AMPH: variants seen among roughly 807,000 people sequenced by gnomAD.
AMPH encodes amphiphysin, also known as amphiphysin (Stiff-Mann syndrome with breast cancer 128kD autoantigen).
In AMPH, 49 loss-of-function variants were observed where a neutral mutation model predicts 99.1. That is an observed-to-expected ratio of 0.49 (90% CI 0.39 to 0.63). The LOEUF (loss-of-function observed/expected upper bound fraction) is 0.63. Ranked by LOEUF, AMPH falls within the 20% of genes least tolerant of loss-of-function variation. AMPH has a pLI of 0.00. For missense variants in AMPH, 759 were observed against 863.4 expected (o/e 0.88, Z 1.52); for synonymous variants, 314 against 317.3 (o/e 0.99, Z 0.11).
rs1785605955 is a variant in AMPH, at chr7:38,422,292, T to C, written c.1272+129A>G. 9.5e-6 allele frequency: 7 copies of C among 738,626 alleles called. No individual in the cohort carries two copies. In the South Asian group the frequency reaches 1.3e-4, roughly 14 times the overall value. 45.8% of individuals were successfully genotyped at this position (738,626 alleles called of 1,614,324 possible). On this transcript the variant is annotated intron_variant, in intron 16 of 20. Transcript: ENST00000356264. The stretch of plus-strand genomic sequence containing the variant: ...TTTACAGACACATTCTCTCCTGTTT[T>C]CTAGAAAAGTACAGGATCCAGAAAC...
At chr7:38,457,800 A>G (rs1267379252) in intron 11 of AMPH, among the ~76,000 whole-genome samples, 2 of 152,230 alleles carry the variant, frequency 1.3e-5, no homozygotes, top group Admixed American at 1.3e-4. Flanking sequence ...GAATCCTAAG[A>G]ACAGCAAGAG....
intron 17 of AMPH, among the ~76,000 whole-genome samples, chr7:38,406,537 T>C: frequency 6.6e-6 from 1 of 152,112 alleles, no homozygotes; most frequent in East Asian, 1.9e-4. Flanking sequence ...TGAAGTATTG[T>C]TTCTAGGTGT....
chr7:38,582,075 A>G (rs1226823972), intron 1 of AMPH, among the ~76,000 whole-genome samples: 1 of 152,180 alleles, frequency 6.6e-6, no homozygotes, highest in Non-Finnish European at 1.5e-5. Context: ...TGATGTCCCC[A>G]CAGAGTGAAT....
At chr7:38,600,355 G>A (rs918855071) in intron 1 of AMPH, among the ~76,000 whole-genome samples, 1 of 151,924 alleles carries the variant, frequency 6.6e-6, no homozygotes, top group Non-Finnish European at 1.5e-5. Context: ...AGAAATTCCA[G>A]ATTAACATTA....
rs116648383 is a variant in AMPH at position 38,406,000 on chromosome 7, C to T, written c.1399-11786G>A. Among the ~76,000 whole-genome samples the T allele has an allele frequency of 4.3e-3, 653 of 152,204 alleles. 8 individuals carry two copies. Among genetic ancestry groups the T allele is most frequent in the African/African-American group, 0.015 (613 of 41,542 alleles). On this transcript the variant is annotated intron_variant, in intron 17 of 20. Coordinates refer to ENST00000356264, the MANE Select transcript of AMPH (RefSeq NM_001635.4). ...AGCAAGTCTCAATAAATTCAAAGTC[C>T]TGAAATCATACCAAGCATCTTCTCA...
chr7:38,555,475 T>C (rs1791331823), intron 1 of AMPH, among the ~76,000 whole-genome samples: 1 of 152,152 alleles, frequency 6.6e-6, no homozygotes, highest in Non-Finnish European at 1.5e-5. Flanking sequence ...AGTCCCCTCA[T>C]TGATGGTACC....
In AMPH at chr7:38,564,948, C is replaced by A. The variant is rs566570817; in HGVS notation, c.70-29937G>T. On this transcript the variant is annotated intron_variant, in intron 1 of 20. Transcript: ENST00000356264. Reference sequence around the variant, plus strand: ...GACCATCCTGGCTAACACGGTGAAACCCTGTCTCTACTAAAAATACAAAAA... The same window carrying A: ...GACCATCCTGGCTAACACGGTGAAAACCTGTCTCTACTAAAAATACAAAAA... 2.6e-5 allele frequency among the ~76,000 whole-genome samples: 4 copies of A among 152,088 alleles called. No individual in the cohort carries two copies. The East Asian group carries it at 7.8e-4, about 30-fold the overall frequency.
At chr7:38,495,375 C>A (rs1788892728) in intron 3 of AMPH, among the ~76,000 whole-genome samples, 1 of 152,078 alleles carries the variant, frequency 6.6e-6, no homozygotes, top group African/African-American at 2.4e-5. Context: ...CTTACTTACT[C>A]CAGTTTAGGG....
chr7:38,427,435 G>C (rs1481312047), intron 14 of AMPH, among the ~76,000 whole-genome samples: 2 of 152,112 alleles, frequency 1.3e-5, no homozygotes, highest in Non-Finnish European at 2.9e-5. Context: ...GTTCTTTTTG[G>C]AGTGGAACCA....
At chr7:38,600,551 T>G (rs1020255211) in intron 1 of AMPH, among the ~76,000 whole-genome samples, 1 of 152,236 alleles carries the variant, frequency 6.6e-6, no homozygotes, top group Non-Finnish European at 1.5e-5. Context: ...CTATTGAGAT[T>G]ATTACTTACT....
intron 11 of AMPH, among the ~76,000 whole-genome samples, chr7:38,447,751 A>C (rs199954149): frequency 1.4e-5 from 2 of 139,656 alleles, no homozygotes; most frequent in African/African-American, 2.7e-5. Flanking sequence ...CAGACAGATA[A>C]ACACACACAC....
chr7:38,413,639 A>AT (rs58351046), intron 17 of AMPH, among the ~76,000 whole-genome samples: 3,544 of 151,792 alleles, frequency 0.023, 115 homozygotes, highest in African/African-American at 0.079. Flanking sequence ...CAATTCTGTG[A>AT]TTTTTTTTTC....
intron 11 of AMPH, among the ~76,000 whole-genome samples, chr7:38,451,728 AAT>A (rs1443839853): frequency 6.6e-6 from 1 of 152,148 alleles, no homozygotes. Flanking sequence ...CAAAGCATCT[AAT>A]GATACTAGTT....
intron 16 of AMPH, 56 bp downstream of exon 16, chr7:38,422,365 A>T: frequency 7.1e-7 from 1 of 1,406,516 alleles, no homozygotes; most frequent in Non-Finnish European, 1.0e-6. Context: ...GATCAGCTTT[A>T]GAACATTCAG....
At chr7:38,593,983 G>A (rs949325107) in intron 1 of AMPH, among the ~76,000 whole-genome samples, 1 of 152,180 alleles carries the variant, frequency 6.6e-6, no homozygotes, top group African/African-American at 2.4e-5. Context: ...GGTTTACCCG[G>A]ACAACATGGA....
In AMPH at chr7:38,465,452, T is replaced by C. The variant is rs916209372; in HGVS notation, c.749+15A>G. 5.1e-6 allele frequency: 8 copies of C among 1,562,726 alleles called. No individual in the cohort carries two copies. Among genetic ancestry groups the C allele is most frequent in the Non-Finnish European group, 6.9e-6 (8 of 1,151,286 alleles). ...AAGCAGGACATTACAGGTGCTCCAA[T>C]GAGCAGGGGCCTACCTGGGCGCTCC... is the stretch of plus-strand genomic sequence containing the variant. On this transcript the variant is annotated intron_variant, in intron 9 of 20. Coordinates refer to ENST00000356264, the MANE Select transcript of AMPH (RefSeq NM_001635.4).
At chr7:38,515,187 A>G (rs577641418) in intron 2 of AMPH, among the ~76,000 whole-genome samples, 1 of 152,168 alleles carries the variant, frequency 6.6e-6, no homozygotes, top group Non-Finnish European at 1.5e-5. Flanking sequence ...ACCTTAGCTG[A>G]GTTGTGTCCA....
At chr7:38,488,983 G>GTT (rs55940560) in intron 5 of AMPH, among the ~76,000 whole-genome samples, 13 of 149,246 alleles carry the variant, frequency 8.7e-5, no homozygotes, top group Middle Eastern at 3.4e-3. Context: ...TTAACAGAAA[G>GTT]TTTTTTTTAA....
chr7:38,451,388 ATATACATATACGTG>A (rs1305285146), intron 11 of AMPH, among the ~76,000 whole-genome samples: 1 of 151,430 alleles, frequency 6.6e-6, no homozygotes, highest in Non-Finnish European at 1.5e-5. Context: ...ACACATGTAT[ATATACATATACGTG>A]TGTATATACA....
Sources: gnomAD v4.1 joint callset for allele counts (sites outside exome capture counted in the v4.1 genomes callset) on GRCh38, gnomAD v4.1.1 for gene constraint, MANE v1.5 for transcripts, NCBI Gene and HGNC (gene_info 2026-07-23, HGNC 2026-07-21) for gene names.